Variants in PICALM observed in about 807,000 individuals in gnomAD.
The protein encoded by PICALM is phosphatidylinositol-binding clathrin assembly protein.
In PICALM, 40 loss-of-function variants were observed where a neutral mutation model predicts 80.5. The observed-to-expected ratio is 0.50, with a 90% CI of 0.39 to 0.65. The LOEUF (loss-of-function observed/expected upper bound fraction) is 0.65. Ranked by LOEUF, PICALM falls within the 30% of genes least tolerant of loss-of-function variation. The pLI is 0.00. For synonymous variants in PICALM, 288 were observed against 260.3 expected, an observed-to-expected ratio of 1.11 and a Z score of -1.02; for missense variants, 676 against 778.9, an observed-to-expected ratio of 0.87 and a Z score of 1.57.
At chr11:86,016,860 T>G (rs2095488191) in intron 4 of PICALM, among the ~76,000 whole-genome samples, 1 of 152,236 alleles carries the variant, frequency 6.6e-6, no homozygotes, top group South Asian at 2.1e-4. Context: ...TATTTCATTC[T>G]GGAACAGAAA....
intron 18 of PICALM, among the ~76,000 whole-genome samples, chr11:85,976,226 T>C (rs2094278227): frequency 6.6e-6 from 1 of 152,240 alleles, no homozygotes; most frequent in African/African-American, 2.4e-5. Flanking sequence ...GGAAAATTTC[T>C]CTAGCCTTTA....
At chr11:85,990,424 CA>C in intron 12 of PICALM, 25 bp from the exon 13 acceptor site, 1 of 1,460,436 alleles carries the variant, frequency 6.8e-7, no homozygotes, top group South Asian at 1.4e-5. Context: ...TGTATTATAG[CA>C]AAATGAAGAA....
At chr11:86,051,132 C>T (rs925805591) in intron 1 of PICALM, among the ~76,000 whole-genome samples, 1 of 152,250 alleles carries the variant, frequency 6.6e-6, no homozygotes, top group East Asian at 1.9e-4. Flanking sequence ...ACAGAATACT[C>T]TGATGGAGAA....
chr11:86,002,083 A>C (rs1169050039), intron 9 of PICALM, among the ~76,000 whole-genome samples: 4 of 152,248 alleles, frequency 2.6e-5, no homozygotes, highest in African/African-American at 4.8e-5. Flanking sequence ...GTTGTGACAG[A>C]AATGCAAGAA....
At chr11:86,049,556 T>C (rs373490971) in intron 1 of PICALM, among the ~76,000 whole-genome samples, 24 of 152,052 alleles carry the variant, frequency 1.6e-4, no homozygotes, top group East Asian at 1.2e-3. Context: ...TTTCCCTTTT[T>C]TTTTCCTTTT....
intron 2 of PICALM, among the ~76,000 whole-genome samples, chr11:86,031,201 C>T (rs1031901649): frequency 1.3e-5 from 2 of 152,078 alleles, no homozygotes; most frequent in Non-Finnish European, 2.9e-5. Context: ...TAAACAGGAC[C>T]AGCAAAAACC....
chr11:85,962,167 C>A (rs2093711446), intron 19 of PICALM, among the ~76,000 whole-genome samples: 1 of 152,088 alleles, frequency 6.6e-6, no homozygotes, highest in African/African-American at 2.4e-5. Flanking sequence ...CATGCAGAGA[C>A]AAATTAAGGT....
intron 6 of PICALM, among the ~76,000 whole-genome samples, 169 bp from the exon 7 acceptor site, chr11:86,011,305 G>C (rs1472609622): frequency 6.6e-6 from 1 of 152,116 alleles, no homozygotes; most frequent in Admixed American, 6.5e-5. Context: ...AATTAGAATA[G>C]AGGTGCTATT....
intron 1 of PICALM, among the ~76,000 whole-genome samples, chr11:86,038,045 C>A (rs918800280): frequency 5.3e-5 from 8 of 152,180 alleles, no homozygotes; most frequent in Non-Finnish European, 1.2e-4. Flanking sequence ...CTGGGCCAGG[C>A]ATGGAGGCTT....
At position 85,958,450 on chromosome 11, in the gene PICALM, A is replaced by G. The variant is rs2093585876; in HGVS notation, c.*596T>C. 4.8e-6 allele frequency: 1 copy of G among 210,518 alleles called. No individual in the cohort carries two copies. 13.0% of individuals were successfully genotyped at this position (210,518 alleles called of 1,614,324 possible). A position where few individuals can be genotyped will look rare whatever the true frequency, so the allele number is the denominator to read the frequency against. ...TGTGCACATCCATACTCATTTTCAT[A>G]AGGAGGTCTGATACAATATTAATGT... is the stretch of plus-strand genomic sequence containing the variant. On this transcript the variant is annotated 3_prime_UTR_variant, in exon 20 of 20. Transcript: ENST00000393346.
chr11:85,993,488 G>T (rs1189471641), intron 12 of PICALM, among the ~76,000 whole-genome samples: 1 of 151,904 alleles, frequency 6.6e-6, no homozygotes, highest in East Asian at 1.9e-4. Context: ...GCCCAGGCTA[G>T]AATGCAGGGG....
chr11:86,016,655 A>G (rs1229596061), intron 4 of PICALM, among the ~76,000 whole-genome samples: 1 of 152,236 alleles, frequency 6.6e-6, no homozygotes, highest in Non-Finnish European at 1.5e-5. Context: ...GAGTGCTGGT[A>G]AAGAAAACAG....
At chr11:85,996,669 G>T in intron 12 of PICALM, among the ~76,000 whole-genome samples, 157 bp downstream of exon 12, 1 of 152,086 alleles carries the variant, frequency 6.6e-6, no homozygotes, top group Non-Finnish European at 1.5e-5. Context: ...TATAATAAAT[G>T]AACATACCTT....
intron 1 of PICALM, among the ~76,000 whole-genome samples, chr11:86,036,411 TTA>T (rs1385418375): frequency 1.3e-5 from 2 of 152,218 alleles, no homozygotes; most frequent in Admixed American, 1.3e-4. Flanking sequence ...TGTTTTATTT[TTA>T]TATAACTTCC....
At chr11:86,029,595 T>C (rs2095713338) in intron 2 of PICALM, among the ~76,000 whole-genome samples, 1 of 152,228 alleles carries the variant, frequency 6.6e-6, no homozygotes, top group African/African-American at 2.4e-5. Context: ...ATTTTGCCTC[T>C]AGTACTATCA....
At chr11:85,975,592 C>CTTTTTTTTTT (rs11407535) in intron 18 of PICALM, among the ~76,000 whole-genome samples, 3 of 89,638 alleles carry the variant, frequency 3.3e-5, no homozygotes, top group African/African-American at 4.5e-5. Flanking sequence ...TCTCAGCAGA[C>CTTTTTTTTTT]TTTTTTTTTT....
At chr11:85,996,545 A>G (rs1251674847) in intron 12 of PICALM, among the ~76,000 whole-genome samples, 1 of 152,160 alleles carries the variant, frequency 6.6e-6, no homozygotes, top group South Asian at 2.1e-4. Flanking sequence ...AAAATTCAAC[A>G]TTAAAAGAAT....
At chr11:86,062,286 G>A (rs551017741) in intron 1 of PICALM, among the ~76,000 whole-genome samples, 1 of 152,316 alleles carries the variant, frequency 6.6e-6, no homozygotes, top group Admixed American at 6.5e-5. Flanking sequence ...GGAGGCCGAG[G>A]TGGGTGGATC....
chr11:86,031,309 TACAAGC>T, intron 2 of PICALM, among the ~76,000 whole-genome samples, 154 bp downstream of exon 2: 1 of 152,328 alleles, frequency 6.6e-6, no homozygotes, highest in East Asian at 1.9e-4. Context: ...CTTTCTGGCT[TACAAGC>T]TATCTTTCCT....
Sources: gnomAD v4.1 joint callset for allele counts (sites outside exome capture counted in the v4.1 genomes callset) on GRCh38, gnomAD v4.1.1 for gene constraint, MANE v1.5 for transcripts, NCBI Gene and HGNC (gene_info 2026-07-23, HGNC 2026-07-21) for gene names.